The following KIAA2012 variants were observed in gnomAD, a reference collection of about 807,000 sequenced individuals.
The protein encoded by KIAA2012 is KIAA2012, also known as uncharacterized protein KIAA2012.
KIAA2012 carries 125 observed loss-of-function variants against 150.6 expected under a neutral mutation model. That is an observed-to-expected ratio of 0.83 (90% CI 0.72 to 0.96). The LOEUF (loss-of-function observed/expected upper bound fraction) is 0.96, where lower values mean the gene tolerates loss of function less well. Among genes scored for constraint, KIAA2012 ranks in the 40% least tolerant of loss-of-function variants. KIAA2012 has a pLI of 0.00. For missense variants in KIAA2012, 1,219 were observed against 1,354.9 expected (o/e 0.90, Z 1.57); for synonymous variants, 462 against 504.7 (o/e 0.92, Z 1.13).
chr2:202,078,791 A>G (rs1689380687), intron 2 of KIAA2012, among the ~76,000 whole-genome samples: 1 of 152,258 alleles, frequency 6.6e-6, no homozygotes, highest in Non-Finnish European at 1.5e-5. Flanking sequence ...AGAAGCACAG[A>G]GAACTCGAGT....
intron 15 of KIAA2012, among the ~76,000 whole-genome samples, chr2:202,173,122 C>G (rs1328080859): frequency 6.6e-6 from 1 of 152,196 alleles, no homozygotes; most frequent in African/African-American, 2.4e-5. Context: ...GGAAGTCCCC[C>G]GGGAAGTCCC....
intron 13 of KIAA2012, among the ~76,000 whole-genome samples, chr2:202,145,160 A>G (rs1575034371): frequency 6.6e-6 from 1 of 150,480 alleles, no homozygotes. Context: ...AGTGCTCTTG[A>G]CTCCCTACCC....
intron 11 of KIAA2012, among the ~76,000 whole-genome samples, chr2:202,118,594 C>A (rs1690581994): frequency 8.3e-6 from 1 of 120,414 alleles, no homozygotes; most frequent in African/African-American, 2.6e-5. Context: ...AATATTTGGG[C>A]AGTTTCTGTT....
chr2:202,159,865 G>A (rs1691612812), intron 14 of KIAA2012, among the ~76,000 whole-genome samples: 1 of 152,032 alleles, frequency 6.6e-6, no homozygotes, highest in Admixed American at 6.6e-5. Flanking sequence ...ATAATACTGG[G>A]AACTCCATAC....
chr2:202,154,336 A>C (rs1691482316), intron 13 of KIAA2012, among the ~76,000 whole-genome samples: 1 of 152,248 alleles, frequency 6.6e-6, no homozygotes, highest in South Asian at 2.1e-4. Context: ...GGCTTTGGGC[A>C]AGTTGCTTAA....
At chr2:202,160,855 G>A (rs181874729) in intron 14 of KIAA2012, among the ~76,000 whole-genome samples, 1 of 152,252 alleles carries the variant, frequency 6.6e-6, no homozygotes, top group African/African-American at 2.4e-5. Flanking sequence ...CCATTTCACA[G>A]GTGTAGAAGC....
At chr2:202,142,632 C>T (rs986422962) in intron 13 of KIAA2012, among the ~76,000 whole-genome samples, 13 of 152,100 alleles carry the variant, frequency 8.5e-5, no homozygotes, top group African/African-American at 2.9e-4. Flanking sequence ...GGGCTGTTAT[C>T]GTCTTTGTTT....
At chr2:202,099,518 G>T in intron 5 of KIAA2012, 95 bp from the exon 6 acceptor site, 1 of 1,016,154 alleles carries the variant, frequency 9.8e-7, no homozygotes, top group Non-Finnish European at 1.4e-6. Context: ...TTTCATCCTT[G>T]AAACCATAAG....
At position 202,184,913 on chromosome 2, in the gene KIAA2012, G is replaced by A. The variant is rs1692197709; in HGVS notation, c.2210+70G>A. On this transcript the variant is annotated intron_variant, in intron 16 of 23. Transcript: ENST00000498697. ...TTTGTTTGTATTTTTAATTGGTTTA[G>A]TTTGGTTTTTTTTCAGACAGGAATG... 5 of 1,363,638 alleles carry A rather than the reference G, an allele frequency of 3.7e-6. No homozygotes were observed. The African/African-American group carries it at 6.0e-5, about 16-fold the overall frequency. The allele number at this position is 1,363,638 out of a possible 1,614,324, so 84.5% of individuals were successfully genotyped here. A position where few individuals can be genotyped will look rare whatever the true frequency, so the allele number is the denominator to read the frequency against.
chr2:202,122,029 T>C (rs750320158), intron 11 of KIAA2012, among the ~76,000 whole-genome samples: 39 of 151,512 alleles, frequency 2.6e-4, no homozygotes, highest in Non-Finnish European at 1.0e-4. Flanking sequence ...AAGAGGAACG[T>C]AGAGAACACG....
intron 23 of KIAA2012, among the ~76,000 whole-genome samples, chr2:202,203,528 G>C (rs532115967): frequency 1.3e-5 from 2 of 152,264 alleles, no homozygotes; most frequent in African/African-American, 4.8e-5. Context: ...ATTTAAACTT[G>C]TTAAAACATT....
At chr2:202,177,303 T>A (rs962300070) in intron 15 of KIAA2012, among the ~76,000 whole-genome samples, 4 of 152,154 alleles carry the variant, frequency 2.6e-5, no homozygotes, top group African/African-American at 9.7e-5. Flanking sequence ...AAAATATATA[T>A]GAGGATTGAT....
At chr2:202,183,457 T>A (rs4353630) in intron 15 of KIAA2012, among the ~76,000 whole-genome samples, 3 of 124,032 alleles carry the variant, frequency 2.4e-5, no homozygotes, top group East Asian at 5.1e-4. Flanking sequence ...TTTTGGGGGG[T>A]TTTTGGGGGG....
chr2:202,148,971 C>T lies in KIAA2012; in HGVS notation c.1909-5702C>T, dbSNP rs545293725. 3.2e-4 allele frequency among the ~76,000 whole-genome samples: 48 copies of T among 152,322 alleles called. 1 individual carries two copies. In the South Asian group the frequency reaches 7.5e-3, roughly 24 times the overall value. ...CACGTCTGGCCCCATTCCCACTGCC[C>T]GCTTTTAGGTCCGCAGGCTGCCATG... On this transcript the variant is annotated intron_variant, in intron 13 of 23. Coordinates refer to ENST00000498697, the MANE Select transcript of KIAA2012 (RefSeq NM_001277372.4).
intron 23 of KIAA2012, 97 bp downstream of exon 23, chr2:202,202,684 T>C (rs1319465000): frequency 5.1e-6 from 2 of 393,962 alleles, no homozygotes; most frequent in East Asian, 3.6e-5. Context: ...TCCCAACACT[T>C]TGAGAGGCTG....
At chr2:202,095,175 T>C (rs772762919) in intron 4 of KIAA2012, among the ~76,000 whole-genome samples, 3 of 152,212 alleles carry the variant, frequency 2.0e-5, no homozygotes, top group East Asian at 3.8e-4. Flanking sequence ...GAATGCCCAA[T>C]TGCCCATGAT....
intron 2 of KIAA2012, among the ~76,000 whole-genome samples, chr2:202,088,032 C>T (rs1307094876): frequency 6.6e-6 from 1 of 151,590 alleles, no homozygotes; most frequent in Non-Finnish European, 1.5e-5. Flanking sequence ...CTATTTATAC[C>T]GCATTTACAT....
At chr2:202,165,538 A>G (rs1264410110) in intron 15 of KIAA2012, among the ~76,000 whole-genome samples, 182 bp downstream of exon 15, 1 of 152,180 alleles carries the variant, frequency 6.6e-6, no homozygotes, top group African/African-American at 2.4e-5. Context: ...CTTGACCAAC[A>G]TGGTGAAACC....
chr2:202,082,828 G>A (rs2105910453), intron 2 of KIAA2012, among the ~76,000 whole-genome samples: 1 of 143,934 alleles, frequency 6.9e-6, no homozygotes, highest in East Asian at 2.1e-4. Context: ...TGTAAATGGT[G>A]TACGGTAAGA....
Sources: allele counts gnomAD v4.1 joint callset (sites outside exome capture counted in the v4.1 genomes callset), GRCh38; gene constraint gnomAD v4.1.1; transcripts MANE v1.5; gene names NCBI Gene and HGNC (gene_info 2026-07-23, HGNC 2026-07-21).